The following ZNF675 variants were observed in gnomAD, a reference collection of about 807,000 sequenced individuals.
The protein encoded by ZNF675 is TRAF6 inhibitory zinc finger.
ZNF675 carries 36 observed loss-of-function variants against 56.1 expected under a neutral mutation model. That is an observed-to-expected ratio of 0.64 (90% CI 0.49 to 0.85). The LOEUF is 0.85. Among genes scored for constraint, ZNF675 ranks in the 40% least tolerant of loss-of-function variants. The probability of loss-of-function intolerance (pLI) is 0.00; values close to 1 mark genes in which losing one functional copy is unlikely to be tolerated. For missense variants in ZNF675, 663 were observed against 654.2 expected, an observed-to-expected ratio of 1.01 and a Z score of -0.15; for synonymous variants, 200 against 218.9, an observed-to-expected ratio of 0.91 and a Z score of 0.76.
Position 23,685,758 on chromosome 19 carries a change from T to C in ZNF675, c.3+1273A>G, listed in dbSNP as rs568902172. ...AAAGACAAATAGTTGATAATGTGAATTAGAAAGGGGAAGCTGGCATTTGAG... is the reference window on the plus strand; with the variant it reads ...AAAGACAAATAGTTGATAATGTGAACTAGAAAGGGGAAGCTGGCATTTGAG... On this transcript the variant is annotated intron_variant, in intron 1 of 3. Transcript: ENST00000359788. Among the ~76,000 whole-genome samples, 5 of 152,274 alleles carry C rather than the reference T, an allele frequency of 3.3e-5. No homozygotes were observed. In the East Asian group the frequency reaches 9.6e-4, roughly 29 times the overall value.
chr19:23,667,687 T>A (rs1968171879), intron 1 of ZNF675, among the ~76,000 whole-genome samples: 1 of 147,896 alleles, frequency 6.8e-6, no homozygotes, highest in South Asian at 2.2e-4. Context: ...ATTGGTGCAC[T>A]CACAAACCTT....
chr19:23,665,533 T>C (rs1968138929), intron 1 of ZNF675, among the ~76,000 whole-genome samples: 1 of 151,898 alleles, frequency 6.6e-6, no homozygotes, highest in Non-Finnish European at 1.5e-5. Context: ...TGTCGCTCTG[T>C]AGCGCAGGCT....
At chr19:23,673,380 T>C (rs902386575) in intron 1 of ZNF675, among the ~76,000 whole-genome samples, 11 of 152,212 alleles carry the variant, frequency 7.2e-5, no homozygotes, top group African/African-American at 2.7e-4. Flanking sequence ...GGTCTGAAGA[T>C]ACAAGAGTAA....
intron 3 of ZNF675, among the ~76,000 whole-genome samples, chr19:23,658,972 TAG>T (rs1568289324): frequency 6.8e-6 from 1 of 146,258 alleles, no homozygotes; most frequent in South Asian, 2.1e-4. Flanking sequence ...TAGATAGATA[TAG>T]ATCTAGAGAT....
Position 23,663,091 on chromosome 19 carries a change from G to T in ZNF675, c.71C>A (p.Ala24Glu), listed in dbSNP as rs1353046410. The T allele has an allele frequency of 6.2e-7, 1 of 1,610,132 alleles. No homozygotes were observed. The highest frequency in any genetic ancestry group is 1.7e-5 in the Admixed American group (1 of 59,486). The change falls in exon 2 of 4, where the codon GCA becomes GAA. Residue 24 changes from alanine (A) to glutamate (E), a missense_variant. Transcript: ENST00000359788. ...CACATTTTTATATAAATTCCGCTGT[G>T]CAGTGTCCAGGCATTGCCATTCTTC... The part of the protein sequence containing the change: ...SLEEWQCLDT[A>E]QRNLYKNVIL...
intron 2 of ZNF675, among the ~76,000 whole-genome samples, chr19:23,662,751 G>A (rs556081723): frequency 4.2e-4 from 64 of 152,156 alleles, no homozygotes; most frequent in Admixed American, 2.6e-4. Context: ...AGGCCGAGGC[G>A]AATGGCTCAT....
In ZNF675 at chr19:23,676,964, C is replaced by T. The variant is rs545138693; in HGVS notation, c.3+10067G>A. ...TGGCGGGCGCCTGTAGTCCCAGCTA[C>T]TTGGGAGGCTGAGGCAAGAGAATGG... is the stretch of plus-strand genomic sequence containing the variant. On this transcript the variant is annotated intron_variant, in intron 1 of 3. Coordinates refer to ENST00000359788, the MANE Select transcript of ZNF675 (RefSeq NM_138330.3). 5.3e-5 allele frequency among the ~76,000 whole-genome samples: 8 copies of T among 149,756 alleles called. No homozygotes were observed. In the East Asian group the frequency reaches 1.6e-3, roughly 30 times the overall value.
intron 1 of ZNF675, among the ~76,000 whole-genome samples, chr19:23,681,113 C>G (rs1004762964): frequency 2.0e-5 from 3 of 151,722 alleles, no homozygotes; most frequent in Non-Finnish European, 4.4e-5. Context: ...TTTTTGTGCC[C>G]ATGAAGGCAG....
intron 1 of ZNF675, among the ~76,000 whole-genome samples, chr19:23,668,013 C>A (rs1482135064): frequency 6.6e-6 from 1 of 150,792 alleles, no homozygotes; most frequent in Non-Finnish European, 1.5e-5. Context: ...ACTCATAAAC[C>A]CTGAGCTAGA....
intron 1 of ZNF675, among the ~76,000 whole-genome samples, chr19:23,667,468 C>T (rs1279464805): frequency 3.3e-5 from 5 of 152,120 alleles, no homozygotes; most frequent in Admixed American, 2.0e-4. Context: ...TTTGACAGGG[C>T]GCTGATTGGT....
chr19:23,675,767 C>A (rs535252763), intron 1 of ZNF675, among the ~76,000 whole-genome samples: 2 of 151,542 alleles, frequency 1.3e-5, no homozygotes, highest in South Asian at 2.1e-4. Context: ...AATTTAATAA[C>A]CTGACATCCT....
In ZNF675 at chr19:23,662,164, T is replaced by C. The variant is rs752776664; in HGVS notation, c.176A>G (p.Glu59Gly). Residue 59 changes from glutamate (E) to glycine (G), a missense_variant, in exon 3 of 4, where the codon GAA (glutamate) becomes GGA (glycine). Physicochemically the swap from Glu to Gly is moderately conservative, Grantham distance 98. Coordinates refer to ENST00000359788, the MANE Select transcript of ZNF675 (RefSeq NM_138330.3). The stretch of plus-strand genomic sequence containing the variant: ...TCTCTTCACAGTCAAAGGCTCTTTT[T>C]CTTGCTCCAGACAGGTGATCAGGTC... ...KQDLITCLEQ[E>G]KEPLTVKRHE... 10 of 1,613,440 alleles carry C rather than the reference T, an allele frequency of 6.2e-6. No homozygotes were observed. The highest frequency in any genetic ancestry group is 2.2e-5 in the East Asian group (1 of 44,856).
chr19:23,658,980 G>GATCTAT (rs1568289333), intron 3 of ZNF675, among the ~76,000 whole-genome samples: 5 of 127,544 alleles, frequency 3.9e-5, no homozygotes, highest in African/African-American at 8.9e-5. Flanking sequence ...TATAGATCTA[G>GATCTAT]AGATAGAGAT....
At chr19:23,668,868 G>A (rs1050872833) in intron 1 of ZNF675, among the ~76,000 whole-genome samples, 3 of 152,160 alleles carry the variant, frequency 2.0e-5, no homozygotes, top group Non-Finnish European at 4.4e-5. Context: ...CAGCTGGCCC[G>A]CAAGCACCGC....
At chr19:23,670,539 C>T (rs1968215580) in intron 1 of ZNF675, among the ~76,000 whole-genome samples, 1 of 152,008 alleles carries the variant, frequency 6.6e-6, no homozygotes, top group African/African-American at 2.4e-5. Flanking sequence ...CCTTGCCAAG[C>T]GACCCCTTGC....
intron 1 of ZNF675, among the ~76,000 whole-genome samples, chr19:23,683,910 G>T (rs986468437): frequency 6.6e-6 from 1 of 151,632 alleles, no homozygotes. Context: ...CATGCTCTTT[G>T]CACATATTTT....
In ZNF675 at chr19:23,663,031, C is replaced by T; in HGVS notation, c.130+1G>A. 1 of 1,582,400 alleles carries T rather than the reference C, an allele frequency of 6.3e-7. No individual in the cohort carries two copies. Among genetic ancestry groups the T allele is most frequent in the Non-Finnish European group, 8.6e-7 (1 of 1,169,464 alleles). ...AAACTGTGTGTTTAAGTTATCCTTA[C>T]CCAGGAAGACCAGGTTTCTGTAGTT... is the stretch of plus-strand genomic sequence containing the variant. On this transcript the variant is annotated splice_donor_variant, in intron 2 of 3. Coordinates refer to ENST00000359788, the MANE Select transcript of ZNF675 (RefSeq NM_138330.3). LOFTEE classifies it high-confidence loss of function.
At chr19:23,679,165 T>TAAAAAA (rs1197099108) in intron 1 of ZNF675, among the ~76,000 whole-genome samples, 1 of 5,842 alleles carries the variant, frequency 1.7e-4, no homozygotes. Flanking sequence ...AGACTCCGTC[T>TAAAAAA]CAAAAAAAAA....
chr19:23,654,861 C>T, intron 3 of ZNF675, 155 bp from the exon 4 acceptor site: 1 of 386,440 alleles, frequency 2.6e-6, no homozygotes, highest in Admixed American at 6.5e-5. Flanking sequence ...ATGCAAAGAG[C>T]CACATAGAAA....
Sources: gnomAD v4.1 joint callset for allele counts (sites outside exome capture counted in the v4.1 genomes callset) on GRCh38, gnomAD v4.1.1 for gene constraint, MANE v1.5 for transcripts, NCBI Gene and HGNC (gene_info 2026-07-23, HGNC 2026-07-21) for gene names.